Variants in BIRC6 observed in about 807,000 individuals in gnomAD.
BIRC6 encodes the protein baculoviral IAP repeat containing 6, also known as dual E2 ubiquitin-conjugating enzyme/E3 ubiquitin-protein ligase BIRC6.
In BIRC6, 98 loss-of-function variants were observed where a neutral mutation model predicts 503.3. That is an observed-to-expected ratio of 0.19 (90% CI 0.17 to 0.23). BIRC6 has a LOEUF of 0.23. Among genes scored for constraint, BIRC6 ranks in the 10% least tolerant of loss-of-function variants. BIRC6 has a pLI of 1.00. For missense variants in BIRC6, 5,360 were observed against 5,806.0 expected (o/e 0.92, Z 2.50); for synonymous variants, 2,240 against 2,078.7 (o/e 1.08, Z -2.11).
intron 10 of BIRC6, among the ~76,000 whole-genome samples, chr2:32,419,966 GGTT>G (rs2042765847): frequency 6.6e-6 from 1 of 152,100 alleles, no homozygotes; most frequent in South Asian, 2.1e-4. Context: ...GAGATCATTT[GGTT>G]GTTCTTTTTA....
chr2:32,461,396 A>G lies in BIRC6; in HGVS notation c.4754-1798A>G, dbSNP rs1410458594. 2.8e-5 allele frequency among the ~76,000 whole-genome samples: 4 copies of G among 140,760 alleles called. No homozygotes were observed. In the East Asian group the frequency reaches 8.2e-4, roughly 29 times the overall value. The allele number at this position is 140,760 out of a possible 152,430, so 92.3% of individuals were successfully genotyped here. A position where few individuals can be genotyped will look rare whatever the true frequency, so the allele number is the denominator to read the frequency against. On this transcript the variant is annotated intron_variant, in intron 23 of 73. Transcript: ENST00000421745. The stretch of plus-strand genomic sequence containing the variant: ...TGTGTGTGTGTGTTTAGTAGAGACA[A>G]GGTCTCACCATGTTGACCAAGCTGG...
At chr2:32,358,544 T>C (rs2033553534) in intron 1 of BIRC6, among the ~76,000 whole-genome samples, 1 of 152,234 alleles carries the variant, frequency 6.6e-6, no homozygotes, top group African/African-American at 2.4e-5. Flanking sequence ...ATCGGACTCC[T>C]GCATAGAGAT....
chr2:32,586,595 T>G (rs1209902962), intron 66 of BIRC6, among the ~76,000 whole-genome samples: 1 of 151,692 alleles, frequency 6.6e-6, no homozygotes, highest in Non-Finnish European at 1.5e-5. Context: ...ATTTTTGTGT[T>G]TATAGTAGAG....
chr2:32,468,891 T>A (rs1300551287), intron 29 of BIRC6, 108 bp downstream of exon 29: 4 of 855,244 alleles, frequency 4.7e-6, no homozygotes, highest in South Asian at 2.2e-5. Context: ...TTTGGTATTT[T>A]AAAAAATGTC....
At chr2:32,545,492 T>C in intron 62 of BIRC6, 151 bp from the exon 63 acceptor site, 4 of 664,070 alleles carry the variant, frequency 6.0e-6, no homozygotes, top group African/African-American at 1.8e-5. Context: ...TTTTAAGATA[T>C]TACTGTTGTA....
At chr2:32,602,399 A>T (rs1298851435) in intron 70 of BIRC6, 1 of 152,210 alleles carries the variant, frequency 6.6e-6, no homozygotes, top group Admixed American at 6.5e-5. Flanking sequence ...CAATCAACGT[A>T]GAGAGTAGAA....
Position 32,599,917 on chromosome 2 carries a change from T to A in BIRC6, c.13992+17T>A. 3 of 1,605,414 alleles carry A rather than the reference T, an allele frequency of 1.9e-6. No individual in the cohort carries two copies. Among genetic ancestry groups the A allele is most frequent in the Non-Finnish European group, 2.6e-6 (3 of 1,175,490 alleles). On this transcript the variant is annotated intron_variant, in intron 70 of 73. Transcript: ENST00000421745. ...GATGGCAAGGTAAATTAATTGCAAT[T>A]TTTTGTTTCAAATGCCAATGATTGT...
intron 38 of BIRC6, 129 bp downstream of exon 38, chr2:32,481,582 T>G: frequency 3.0e-6 from 2 of 676,264 alleles, no homozygotes; most frequent in African/African-American, 3.8e-5. Context: ...CTGGCCAACA[T>G]AGTGAAATCC....
chr2:32,529,888 G>C, intron 60 of BIRC6, 64 bp downstream of exon 60: 6 of 1,056,126 alleles, frequency 5.7e-6, no homozygotes, highest in Non-Finnish European at 7.6e-6. Context: ...GATTTCTATA[G>C]CTAATGACTT....
At chr2:32,429,403 C>T in intron 11 of BIRC6, 108 bp downstream of exon 11, 1 of 842,136 alleles carries the variant, frequency 1.2e-6, no homozygotes, top group Non-Finnish European at 1.7e-6. Context: ...TGATTCTCAA[C>T]CTGTATGGTA....
chr2:32,379,431 T>G (rs2037310806), intron 2 of BIRC6: 1 of 152,222 alleles, frequency 6.6e-6, no homozygotes, highest in Non-Finnish European at 1.5e-5. Context: ...AACTCTCAAG[T>G]CAGTGTTTTT....
intron 65 of BIRC6, among the ~76,000 whole-genome samples, chr2:32,554,875 T>C (rs139265361): frequency 1.5e-3 from 221 of 152,210 alleles, no homozygotes; most frequent in Admixed American, 4.8e-3. Flanking sequence ...AATATGACCA[T>C]ATTTATTAAA....
intron 61 of BIRC6, among the ~76,000 whole-genome samples, chr2:32,533,430 T>C (rs1203378356): frequency 1.3e-5 from 2 of 152,150 alleles, no homozygotes; most frequent in Admixed American, 1.3e-4. Context: ...AGATATAAAT[T>C]GAGAGAAGAA....
At chr2:32,444,022 G>A (rs2045700794) in intron 20 of BIRC6, among the ~76,000 whole-genome samples, 1 of 147,622 alleles carries the variant, frequency 6.8e-6, no homozygotes, top group Admixed American at 6.6e-5. Context: ...TTCCTAAAAG[G>A]GACCAGTGGT....
chr2:32,473,023 A>G lies in BIRC6; in HGVS notation c.6593-89A>G, dbSNP rs192920507. 1.9e-4 allele frequency: 213 copies of G among 1,144,990 alleles called. No homozygotes were observed. The African/African-American group carries it at 3.1e-3, about 16-fold the overall frequency. The allele number at this position is 1,144,990 out of a possible 1,614,324, so 70.9% of individuals were successfully genotyped here. ...ACTGCTTTTCATGATTGACACATGT[A>G]TAACTGTGTTTTTTGTTTTCTGGGT... On this transcript the variant is annotated intron_variant, in intron 32 of 73. Coordinates refer to ENST00000421745, the MANE Select transcript of BIRC6 (RefSeq NM_016252.4).
chr2:32,585,981 G>A (rs926177034), intron 66 of BIRC6, among the ~76,000 whole-genome samples: 11 of 152,230 alleles, frequency 7.2e-5, no homozygotes, highest in Non-Finnish European at 1.2e-4. Context: ...TACAAACTTA[G>A]TAATAGGTAA....
chr2:32,611,352 AT>A (rs1377055906), intron 72 of BIRC6, 95 bp from the exon 73 acceptor site: 2 of 784,784 alleles, frequency 2.5e-6, no homozygotes, highest in Admixed American at 4.0e-5. Context: ...ATTTAAATGT[AT>A]TTATAATACA....
chr2:32,369,941 A>ATAT (rs1178622449), intron 1 of BIRC6, among the ~76,000 whole-genome samples: 3 of 46,026 alleles, frequency 6.5e-5, no homozygotes, highest in African/African-American at 2.8e-4. Flanking sequence ...AAAAAAAAAA[A>ATAT]AAAAATATAT....
At chr2:32,591,102 C>A in intron 66 of BIRC6, 1 of 474,230 alleles carries the variant, frequency 2.1e-6, no homozygotes, top group Non-Finnish European at 2.8e-6. Flanking sequence ...CATTGATAGG[C>A]AGGTAGTGTG....
Sources: gnomAD v4.1 joint callset for allele counts (sites outside exome capture counted in the v4.1 genomes callset) on GRCh38, gnomAD v4.1.1 for gene constraint, MANE v1.5 for transcripts, NCBI Gene and HGNC (gene_info 2026-07-23, HGNC 2026-07-21) for gene names.